MCOLN1: variants seen among roughly 807,000 people sequenced by gnomAD.
The protein encoded by MCOLN1 is mucolipin-1.
In MCOLN1, 50 loss-of-function variants were observed where a neutral mutation model predicts 70.3. The ratio of observed to expected loss-of-function variants is 0.71; its 90% confidence interval spans 0.57 to 0.90. The LOEUF (loss-of-function observed/expected upper bound fraction) is 0.90. Ranked by LOEUF, MCOLN1 falls within the 40% of genes least tolerant of loss-of-function variation. The pLI is 0.00. For missense variants in MCOLN1, 598 were observed against 803.5 expected (o/e 0.74, Z 3.09); for synonymous variants, 366 against 341.0 (o/e 1.07, Z -0.81).
chr19:7,528,584 G>A lies in MCOLN1; in HGVS notation c.878-13G>A. 1 of 1,614,030 alleles carries A rather than the reference G, an allele frequency of 6.2e-7. No individual in the cohort carries two copies. Among genetic ancestry groups the A allele is most frequent in the African/African-American group, 1.3e-5 (1 of 75,060 alleles). On this transcript the variant is annotated splice_polypyrimidine_tract_variant and intron_variant, in intron 7 of 13. Coordinates refer to ENST00000264079, the MANE Select transcript of MCOLN1 (RefSeq NM_020533.3). This position sits in a 1 kb window ranked among gnomAD's most constrained non-coding sequence, Gnocchi z 4.2. ...TGCCATCCTTGGCCCTACCCGCTCT[G>A]CCCTCCCCGCAGGAGACAACAGCTT...
In MCOLN1 at chr19:7,533,904, G is replaced by T. The variant is rs940546793; in HGVS notation, c.*109G>T. On this transcript the variant is annotated 3_prime_UTR_variant, in exon 14 of 14. Transcript: ENST00000264079. ...CTTTTAAGGATCGGCTCCCTGTCGCGCCCGAGGAGGGCCTGGACCTTTCGT... is the reference window on the plus strand; with the variant it reads ...CTTTTAAGGATCGGCTCCCTGTCGCTCCCGAGGAGGGCCTGGACCTTTCGT... The T allele has an allele frequency of 1.1e-5, 15 of 1,353,692 alleles. No individual in the cohort carries two copies. Among genetic ancestry groups the T allele is most frequent in the Non-Finnish European group, 1.4e-5 (14 of 966,896 alleles). The allele number at this position is 1,353,692 out of a possible 1,614,324, so 83.9% of individuals were successfully genotyped here.
rs1264670678 is a variant in MCOLN1, at chr19:7,525,514, G to A, written c.237+348G>A. On this transcript the variant is annotated intron_variant, in intron 2 of 13. Transcript: ENST00000264079. The surrounding 1 kb of genome is among the most constrained non-coding windows in gnomAD (Gnocchi z 4.2). ...TCAAAAAAAAAAAGAAGCCGACTCT[G>A]AGGCTCAGAGAGGTTAGGAGACTTG... 4 of 321,358 alleles carry A rather than the reference G, an allele frequency of 1.2e-5. No individual in the cohort carries two copies. The highest frequency in any genetic ancestry group is 2.5e-5 in the South Asian group (1 of 39,678). The allele number at this position is 321,358 out of a possible 1,614,324, so 19.9% of individuals were successfully genotyped here.
At chr19:7,532,372 A>G (rs775270282) in intron 12 of MCOLN1, among the ~76,000 whole-genome samples, 2 of 151,994 alleles carry the variant, frequency 1.3e-5, no homozygotes, top group Non-Finnish European at 2.9e-5. Flanking sequence ...AGAATGTTCT[A>G]TCCATCACTA....
rs2022638894 is a variant in MCOLN1, at chr19:7,530,391, C to G, written c.1465C>G (p.Leu489Val). ...AMQAQQGRSS[L>V]VWLFSQLYLY... is the part of the protein sequence containing the mutation. ...GCAGGCGCAGCAGGGCCGCAGCAGC[C>G]TGGTGTGGCTCTTCTCCCAGCTCTA... The change falls in exon 12 of 14, where the codon CTG becomes GTG. Residue 489 changes from leucine to valine, a missense_variant. This residue lies in a region of MCOLN1 where 78 missense variants were observed against 156.2 expected (regional missense o/e 0.50). Transcript: ENST00000264079. 6.2e-7 allele frequency: 1 copy of G among 1,613,838 alleles called. No homozygotes were observed. Among genetic ancestry groups the G allele is most frequent in the East Asian group, 2.2e-5 (1 of 44,890 alleles).
Position 7,530,380 on chromosome 19 carries a change from G to T in MCOLN1, c.1454G>T (p.Gly485Val), listed in dbSNP as rs1233965739. Residue 485 changes from glycine (G) to valine (V), a missense_variant, in exon 12 of 14, where the codon GGC (glycine) becomes GTC (valine). Around this residue, in one of 3 missense-constraint regions of MCOLN1, gnomAD observed 78 missense variants for 156.2 expected, o/e 0.50. Transcript: ENST00000264079. Reference protein sequence around the residue: ...VTFAAMQAQQGRSSLVWLFSQ... With the variant: ...VTFAAMQAQQVRSSLVWLFSQ... ...TTCGCCGCCATGCAGGCGCAGCAGG[G>T]CCGCAGCAGCCTGGTGTGGCTCTTC... is the stretch of plus-strand genomic sequence containing the variant. 1.2e-6 allele frequency: 2 copies of T among 1,613,796 alleles called. No individual in the cohort carries two copies. The highest frequency in any genetic ancestry group is 1.3e-5 in the African/African-American group (1 of 74,940).
intron 10 of MCOLN1, 110 bp downstream of exon 10, chr19:7,529,312 C>A: frequency 1.9e-6 from 2 of 1,047,830 alleles, no homozygotes; most frequent in Non-Finnish European, 2.9e-6. Flanking sequence ...CCTTGCAAGC[C>A]TCCTCCTCCT....
At chr19:7,530,532 G>A (rs1208620768) in intron 12 of MCOLN1, 31 bp downstream of exon 12, 5 of 1,587,234 alleles carry the variant, frequency 3.2e-6, no homozygotes, top group Non-Finnish European at 4.3e-6. Context: ...CCTGAGCTCG[G>A]GCTCTGGGTG....
At chr19:7,531,811 G>A (rs1423077424) in intron 12 of MCOLN1, among the ~76,000 whole-genome samples, 1 of 152,030 alleles carries the variant, frequency 6.6e-6, no homozygotes, top group Non-Finnish European at 1.5e-5. Flanking sequence ...GGGATTATAG[G>A]CACACGCCAC....
rs925602308 is a variant in MCOLN1 at position 7,522,691 on chromosome 19, G to C, written c.-60G>C. The C allele has an allele frequency of 1.2e-5, 17 of 1,429,696 alleles. No individual in the cohort carries two copies. The African/African-American group carries it at 1.8e-4, about 15-fold the overall frequency. The allele number at this position is 1,429,696 out of a possible 1,614,324, so 88.6% of individuals were successfully genotyped here. On this transcript the variant is annotated 5_prime_UTR_variant, in exon 1 of 14. Transcript: ENST00000264079. ...GGAGCGAGGTCGCAGTGACAGCGGC[G>C]GGCGATCGGACCCAGGCTGCCCCGC...
At chr19:7,533,411 A>G in intron 12 of MCOLN1, 112 bp from the exon 13 acceptor site, 1 of 1,451,102 alleles carries the variant, frequency 6.9e-7, no homozygotes, top group South Asian at 1.2e-5. Context: ...AGCAAGTGCA[A>G]AGGCCCGGAG....
At position 7,528,898 on chromosome 19, in the gene MCOLN1, G is replaced by T. The variant is rs2146024799; in HGVS notation, c.1062G>T (p.Trp354Cys). 1 of 1,614,140 alleles carries T rather than the reference G, an allele frequency of 6.2e-7. No homozygotes were observed. Among genetic ancestry groups the T allele is most frequent in the Non-Finnish European group, 8.5e-7 (1 of 1,180,010 alleles). The change falls in exon 9 of 14, where the codon TGG becomes TGT. Residue 354 changes from tryptophan to cysteine, a missense_variant. Around this residue, in one of 3 missense-constraint regions of MCOLN1, gnomAD observed 461 missense variants for 588.4 expected, o/e 0.78. Coordinates refer to ENST00000264079, the MANE Select transcript of MCOLN1 (RefSeq NM_020533.3). The surrounding 1 kb of genome is among the most constrained non-coding windows in gnomAD (Gnocchi z 4.2). Reference protein sequence around the residue: ...LWERLEFVNGWYILLVTSDVL... With the variant: ...LWERLEFVNGCYILLVTSDVL... Reference sequence around the variant, plus strand: ...AGCGGCTGGAATTTGTCAATGGCTGGTACATCCTGCTCGTCACCAGCGATG... The same window carrying T: ...AGCGGCTGGAATTTGTCAATGGCTGTTACATCCTGCTCGTCACCAGCGATG...
intron 10 of MCOLN1, 77 bp from the exon 11 acceptor site, chr19:7,529,513 C>T: frequency 9.6e-7 from 1 of 1,040,526 alleles, no homozygotes. Context: ...CCCGCCCCTC[C>T]CACCCCCATC....
At chr19:7,529,021 C>T in intron 9 of MCOLN1, 51 bp downstream of exon 9, 1 of 1,613,812 alleles carries the variant, frequency 6.2e-7, no homozygotes, top group Non-Finnish European at 8.5e-7. Context: ...GCTGTCAGTG[C>T]CTATCCGGGG....
Position 7,533,852 on chromosome 19 carries a change from A to T in MCOLN1, c.*57A>T. The T allele has an allele frequency of 6.3e-7, 1 of 1,582,458 alleles. No individual in the cohort carries two copies. The highest frequency in any genetic ancestry group is 8.7e-7 in the Non-Finnish European group (1 of 1,152,954). ...TGGACTGCAGAGACCCCCGCCCCCG[A>T]CCCCGCTTATTTATTTGTAGGGTTT... is the stretch of plus-strand genomic sequence containing the variant. On this transcript the variant is annotated 3_prime_UTR_variant, in exon 14 of 14. Coordinates refer to ENST00000264079, the MANE Select transcript of MCOLN1 (RefSeq NM_020533.3).
chr19:7,523,308 T>C (rs1380860994), intron 1 of MCOLN1, among the ~76,000 whole-genome samples: 2 of 152,248 alleles, frequency 1.3e-5, no homozygotes, highest in Non-Finnish European at 2.9e-5. Flanking sequence ...CCAATTCTGA[T>C]GCCACCCCTC....
Position 7,526,666 on chromosome 19 carries a change from G to T in MCOLN1, c.405+60G>T. The T allele has an allele frequency of 6.3e-7, 1 of 1,577,860 alleles. No individual in the cohort carries two copies. On this transcript the variant is annotated intron_variant, in intron 3 of 13. Transcript: ENST00000264079. The surrounding 1 kb of genome is among the most constrained non-coding windows in gnomAD (Gnocchi z 4.6). Reference sequence around the variant, plus strand: ...AGGTGCAGGTGGGCGGGCAGGTGCAGTTGGGCGGGCAGGTGCTGGTGGGCG... The same window carrying T: ...AGGTGCAGGTGGGCGGGCAGGTGCATTTGGGCGGGCAGGTGCTGGTGGGCG...
At chr19:7,533,247 G>A in intron 12 of MCOLN1, 1 of 568,918 alleles carries the variant, frequency 1.8e-6, no homozygotes, top group Non-Finnish European at 3.2e-6. Flanking sequence ...GAGCATCGAG[G>A]TCATGTCAGC....
chr19:7,532,087 A>G (rs1350714918), intron 12 of MCOLN1, among the ~76,000 whole-genome samples: 1 of 152,226 alleles, frequency 6.6e-6, no homozygotes, highest in Admixed American at 6.5e-5. Flanking sequence ...TTTCCCTGCA[A>G]GCTGCAAGGG....
Position 7,526,666 on chromosome 19 carries a change from GT to G in MCOLN1, c.405+62del. On this transcript the variant is annotated intron_variant, in intron 3 of 13. Transcript: ENST00000264079. This position sits in a 1 kb window ranked among gnomAD's most constrained non-coding sequence, Gnocchi z 4.6. ...AGGTGCAGGTGGGCGGGCAGGTGCA[GT>G]TGGGCGGGCAGGTGCTGGTGGGCGG... The G allele has an allele frequency of 1.9e-6, 3 of 1,577,862 alleles. No individual in the cohort carries two copies. Among genetic ancestry groups the G allele is most frequent in the East Asian group, 4.5e-5 (2 of 44,070 alleles).
Sources: allele counts gnomAD v4.1 joint callset (sites outside exome capture counted in the v4.1 genomes callset), GRCh38; gene constraint gnomAD v4.1.1; regional missense constraint gnomAD v4.1.1; non-coding constraint Gnocchi (gnomAD v3.1); transcripts MANE v1.5; gene names NCBI Gene and HGNC (gene_info 2026-07-23, HGNC 2026-07-21).